Variants in FAM81A observed in about 807,000 individuals in gnomAD.
FAM81A encodes the protein family with sequence similarity 81 member A.
A neutral mutation model predicts 46.7 loss-of-function variants in FAM81A; 19 were observed. That is an observed-to-expected ratio of 0.41 (90% confidence interval 0.28 to 0.60). The LOEUF is 0.60. Ranked by LOEUF, FAM81A falls within the 20% of genes least tolerant of loss-of-function variation. The pLI, the probability that FAM81A is intolerant of heterozygous loss-of-function variation, is 0.34. For missense variants in FAM81A, 377 were observed against 453.5 expected, an observed-to-expected ratio of 0.83 and a Z score of 1.53; for synonymous variants, 183 against 152.9, an observed-to-expected ratio of 1.20 and a Z score of -1.45.
At chr15:59,455,966 T>C (rs1301747654) in intron 1 of FAM81A, among the ~76,000 whole-genome samples, 2 of 152,188 alleles carry the variant, frequency 1.3e-5, no homozygotes, top group African/African-American at 4.8e-5. Context: ...AACAAACATA[T>C]ATGGATACTT....
intron 2 of FAM81A, among the ~76,000 whole-genome samples, chr15:59,417,872 T>A (rs1266908855): frequency 6.6e-6 from 1 of 152,136 alleles, no homozygotes; most frequent in Non-Finnish European, 1.5e-5. Context: ...GCTGCACCCA[T>A]TAACTCGTCA....
intron 3 of FAM81A, among the ~76,000 whole-genome samples, chr15:59,462,202 CAAAAA>C (rs58692315): frequency 1.6e-4 from 11 of 67,572 alleles, no homozygotes; most frequent in Non-Finnish European, 2.8e-4. Context: ...GACTGCATCT[CAAAAA>C]AAAAAAAAAA....
At chr15:59,441,926 G>A (rs1456997783) in intron 1 of FAM81A, among the ~76,000 whole-genome samples, 5 of 152,170 alleles carry the variant, frequency 3.3e-5, no homozygotes, top group African/African-American at 7.2e-5. Context: ...CTTTCCCCGC[G>A]CCTCACTGGG....
intron 6 of FAM81A, among the ~76,000 whole-genome samples, chr15:59,509,887 C>T (rs1312343165): frequency 1.3e-5 from 2 of 152,006 alleles, no homozygotes; most frequent in Non-Finnish European, 2.9e-5. Context: ...GGTGGGCCAG[C>T]TCGCAGTTGT....
intron 7 of FAM81A, among the ~76,000 whole-genome samples, chr15:59,515,697 C>T (rs2082259531): frequency 6.6e-6 from 1 of 152,102 alleles, no homozygotes; most frequent in Non-Finnish European, 1.5e-5. Flanking sequence ...ATATTTCCAT[C>T]ACATCTACTA....
intron 3 of FAM81A, among the ~76,000 whole-genome samples, chr15:59,478,461 A>AC (rs144567234): frequency 1.7e-3 from 264 of 152,312 alleles, no homozygotes; most frequent in African/African-American, 6.1e-3. Context: ...AGTGATGTTA[A>AC]CATGTAGTCG....
At chr15:59,471,439 C>T (rs1315087652) in intron 3 of FAM81A, among the ~76,000 whole-genome samples, 1 of 152,072 alleles carries the variant, frequency 6.6e-6, no homozygotes, top group Non-Finnish European at 1.5e-5. Context: ...TATTCCATCT[C>T]CTTTGTGACT....
intron 7 of FAM81A, among the ~76,000 whole-genome samples, chr15:59,514,984 C>G (rs1446026109): frequency 6.6e-6 from 1 of 152,180 alleles, no homozygotes; most frequent in African/African-American, 2.4e-5. Context: ...GTGGCTCACT[C>G]CTGTAATCCC....
At chr15:59,480,442 G>T (rs1281153410) in intron 3 of FAM81A, among the ~76,000 whole-genome samples, 1 of 152,086 alleles carries the variant, frequency 6.6e-6, no homozygotes, top group East Asian at 1.9e-4. Context: ...GCACATTGAG[G>T]CTCCCACAGA....
chr15:59,471,718 A>G, intron 3 of FAM81A, among the ~76,000 whole-genome samples: 1 of 151,290 alleles, frequency 6.6e-6, no homozygotes, highest in East Asian at 1.9e-4. Context: ...GATTATAGGT[A>G]TGAGCCACTG....
At chr15:59,476,890 G>C (rs988341733) in intron 3 of FAM81A, among the ~76,000 whole-genome samples, 3 of 151,228 alleles carry the variant, frequency 2.0e-5, no homozygotes, top group African/African-American at 4.9e-5. Context: ...GGGAGACCAA[G>C]GTGGGCAGAT....
intron 1 of FAM81A, among the ~76,000 whole-genome samples, chr15:59,443,487 C>T (rs2081322885): frequency 6.6e-6 from 1 of 152,174 alleles, no homozygotes; most frequent in African/African-American, 2.4e-5. Context: ...GGGACCGTTT[C>T]CCAGTCATTC....
At chr15:59,486,950 A>G (rs2081923747) in intron 3 of FAM81A, among the ~76,000 whole-genome samples, 1 of 152,026 alleles carries the variant, frequency 6.6e-6, no homozygotes, top group South Asian at 2.1e-4. Flanking sequence ...GAAGGTACAA[A>G]ACTCACTGGT....
At chr15:59,436,908 C>T (rs769057245), upstream of FAM81A, among the ~76,000 whole-genome samples, 2 of 152,216 alleles carry the variant, frequency 1.3e-5, no homozygotes, top group Non-Finnish European at 2.9e-5. Context: ...TCGTCAGGCT[C>T]TAAGCTCTGT....
At chr15:59,468,097 T>C (rs2081637686) in intron 3 of FAM81A, among the ~76,000 whole-genome samples, 1 of 152,236 alleles carries the variant, frequency 6.6e-6, no homozygotes, top group African/African-American at 2.4e-5. Flanking sequence ...GATGTGCTGC[T>C]GGATTCGGTT....
chr15:59,486,956 C>G (rs1001781338), intron 3 of FAM81A, among the ~76,000 whole-genome samples: 1 of 151,810 alleles, frequency 6.6e-6, no homozygotes, highest in African/African-American at 2.4e-5. Context: ...ACAAAACTCA[C>G]TGGTAATAGT....
At chr15:59,484,250 T>C (rs1314426021) in intron 3 of FAM81A, among the ~76,000 whole-genome samples, 2 of 152,200 alleles carry the variant, frequency 1.3e-5, no homozygotes, top group Admixed American at 6.5e-5. Context: ...ACATAAAATT[T>C]CTTCTTGAAC....
intron 1 of FAM81A, among the ~76,000 whole-genome samples, chr15:59,440,608 C>G (rs1463942415): frequency 1.3e-5 from 2 of 152,192 alleles, no homozygotes; most frequent in Non-Finnish European, 2.9e-5. Context: ...ACATCTTGGA[C>G]TTGTTCAGTC....
chr15:59,445,967 GC>G (rs1465756937), intron 1 of FAM81A, among the ~76,000 whole-genome samples: 3 of 152,200 alleles, frequency 2.0e-5, no homozygotes, highest in Non-Finnish European at 4.4e-5. Context: ...GTGACCTCCA[GC>G]CTTCCGCCGA....
Sources: allele counts gnomAD v4.1 joint callset (sites outside exome capture counted in the v4.1 genomes callset), GRCh38; gene constraint gnomAD v4.1.1; transcripts MANE v1.5; gene names NCBI Gene and HGNC (gene_info 2026-07-23, HGNC 2026-07-21).